The following PREX2 variants were observed in gnomAD, a reference collection of about 807,000 sequenced individuals.
The protein encoded by PREX2 is phosphatidylinositol-3,4,5-trisphosphate dependent Rac exchange factor 2.
In PREX2, 107 loss-of-function variants were observed where a neutral mutation model predicts 203.2. The ratio of observed to expected loss-of-function variants is 0.53; its 90% CI spans 0.45 to 0.62. PREX2 has a LOEUF of 0.62. Ranked by LOEUF, PREX2 falls within the 20% of genes least tolerant of loss-of-function variation. The probability of loss-of-function intolerance (pLI) is 0.00; values close to 1 mark genes in which losing one functional copy is unlikely to be tolerated. For synonymous variants in PREX2, 672 were observed against 663.6 expected, an observed-to-expected ratio of 1.01 and a Z score of -0.19; for missense variants, 1,777 against 1,955.9, an observed-to-expected ratio of 0.91 and a Z score of 1.72.
At chr8:68,114,082 G>A (rs992190630) in intron 25 of PREX2, among the ~76,000 whole-genome samples, 5 of 151,990 alleles carry the variant, frequency 3.3e-5, no homozygotes, top group African/African-American at 1.2e-4. Context: ...GGCTGGTCTC[G>A]AACTCCTGAC....
At chr8:67,968,627 C>T (rs1805839992) in intron 1 of PREX2, among the ~76,000 whole-genome samples, 1 of 152,128 alleles carries the variant, frequency 6.6e-6, no homozygotes, top group South Asian at 2.1e-4. Flanking sequence ...GTGGCTCATA[C>T]ATCATAAAAG....
At chr8:68,193,479 A>C (rs1342852145) in intron 37 of PREX2, among the ~76,000 whole-genome samples, 1 of 152,218 alleles carries the variant, frequency 6.6e-6, no homozygotes, top group East Asian at 1.9e-4. Flanking sequence ...ATTCAAATTT[A>C]CTTGGCACTG....
At chr8:68,224,895 T>A (rs1813028279) in intron 39 of PREX2, among the ~76,000 whole-genome samples, 1 of 152,140 alleles carries the variant, frequency 6.6e-6, no homozygotes, top group Non-Finnish European at 1.5e-5. Flanking sequence ...AATCCAGCTG[T>A]GACAAACAAC....
At chr8:68,071,197 A>T (rs1809184211) in intron 13 of PREX2, among the ~76,000 whole-genome samples, 1 of 152,170 alleles carries the variant, frequency 6.6e-6, no homozygotes, top group African/African-American at 2.4e-5. Context: ...CTGATAAGGA[A>T]TTTTTCTTTG....
intron 38 of PREX2, 44 bp downstream of exon 38, chr8:68,217,762 G>A: frequency 7.2e-7 from 1 of 1,380,100 alleles, no homozygotes; most frequent in Admixed American, 1.8e-5. Flanking sequence ...TGTAGGCCCT[G>A]GACTTGAAGA....
chr8:68,109,338 A>C, intron 24 of PREX2, 78 bp from the exon 25 acceptor site: 1 of 1,040,980 alleles, frequency 9.6e-7, no homozygotes. Context: ...TTAAAAAATA[A>C]ATGAAATTAA....
At chr8:68,073,933 A>G (rs1053888745) in intron 14 of PREX2, among the ~76,000 whole-genome samples, 1 of 151,952 alleles carries the variant, frequency 6.6e-6, no homozygotes, top group Non-Finnish European at 1.5e-5. Context: ...AAGGGTTAAC[A>G]TTAGAAGAAT....
At chr8:68,134,010 C>T in intron 31 of PREX2, 49 bp from the exon 32 acceptor site, 1 of 1,459,354 alleles carries the variant, frequency 6.9e-7, no homozygotes, top group Middle Eastern at 1.8e-4. Flanking sequence ...TTGGTTTTCA[C>T]CATCTGCAAC....
chr8:67,968,329 G>A (rs1805832966), intron 1 of PREX2, among the ~76,000 whole-genome samples: 1 of 152,120 alleles, frequency 6.6e-6, no homozygotes, highest in African/African-American at 2.4e-5. Context: ...AATAGAATCT[G>A]GGAGCTCGGA....
chr8:68,128,992 A>G (rs928193665), intron 31 of PREX2, among the ~76,000 whole-genome samples: 1 of 152,148 alleles, frequency 6.6e-6, no homozygotes, highest in Non-Finnish European at 1.5e-5. Context: ...AAAATATCTG[A>G]GAGTTTCTGA....
intron 1 of PREX2, among the ~76,000 whole-genome samples, chr8:68,005,645 G>A (rs150163912): frequency 1.0e-3 from 155 of 152,214 alleles, no homozygotes; most frequent in Non-Finnish European, 1.7e-3. Flanking sequence ...CCCATGCATC[G>A]TACTCTCACT....
At chr8:68,122,477 T>C (rs940652390) in intron 30 of PREX2, among the ~76,000 whole-genome samples, 1 of 152,070 alleles carries the variant, frequency 6.6e-6, no homozygotes, top group African/African-American at 2.4e-5. Context: ...AAAACTATTA[T>C]GTTTTAGAAA....
chr8:68,104,307 T>C (rs1810348391), intron 23 of PREX2, among the ~76,000 whole-genome samples: 1 of 152,184 alleles, frequency 6.6e-6, no homozygotes. Context: ...AGCCAAATCC[T>C]TTCAATGGCC....
At chr8:67,966,210 G>C (rs1287428626) in intron 1 of PREX2, among the ~76,000 whole-genome samples, 1 of 152,108 alleles carries the variant, frequency 6.6e-6, no homozygotes, top group African/African-American at 2.4e-5. Context: ...CGTAATGAGA[G>C]ATCTAGGTAG....
chr8:68,001,794 A>G (rs1806943785), intron 1 of PREX2, among the ~76,000 whole-genome samples: 1 of 152,242 alleles, frequency 6.6e-6, no homozygotes, highest in African/African-American at 2.4e-5. Flanking sequence ...CTTTTCAGGA[A>G]CATAGATAGA....
rs571043102 is a variant in PREX2 at position 67,997,698 on chromosome 8, A to G, written c.142-20148A>G. The stretch of plus-strand genomic sequence containing the variant: ...GGGCTTGTGGTGAATCTATAGATCA[A>G]TTTTGGAAAACTCAATATTTTTAAG... On this transcript the variant is annotated intron_variant, in intron 1 of 39. Coordinates refer to ENST00000288368, the MANE Select transcript of PREX2 (RefSeq NM_024870.4). Among the ~76,000 whole-genome samples, 8 of 152,278 alleles carry G rather than the reference A, an allele frequency of 5.3e-5. No individual in the cohort carries two copies. The East Asian group carries it at 9.7e-4, about 18-fold the overall frequency.
intron 1 of PREX2, among the ~76,000 whole-genome samples, chr8:67,976,394 CAGAG>C (rs10581118): frequency 7.4e-5 from 10 of 134,588 alleles, no homozygotes; most frequent in Middle Eastern, 3.8e-3. Context: ...GGGAGAGAGA[CAGAG>C]AGAGAGAGAG....
At chr8:68,222,376 A>G (rs1481743050) in intron 38 of PREX2, among the ~76,000 whole-genome samples, 2 of 152,024 alleles carry the variant, frequency 1.3e-5, no homozygotes, top group Non-Finnish European at 2.9e-5. Flanking sequence ...AGCATATTAA[A>G]AAGGCACAAG....
At chr8:68,224,903 A>C (rs1366345575) in intron 39 of PREX2, among the ~76,000 whole-genome samples, 2 of 152,164 alleles carry the variant, frequency 1.3e-5, no homozygotes, top group African/African-American at 4.8e-5. Context: ...TGTGACAAAC[A>C]ACCAAAATCC....
Sources: gnomAD v4.1 joint callset for allele counts (sites outside exome capture counted in the v4.1 genomes callset) on GRCh38, gnomAD v4.1.1 for gene constraint, MANE v1.5 for transcripts, NCBI Gene and HGNC (gene_info 2026-07-23, HGNC 2026-07-21) for gene names.